The following ETV1 variants were observed in gnomAD, a reference collection of about 807,000 sequenced individuals.
The protein encoded by ETV1 is ETS translocation variant 1.
A neutral mutation model predicts 62.3 loss-of-function variants in ETV1; 27 were observed. That is an observed-to-expected ratio of 0.43 (90% CI 0.32 to 0.60). The LOEUF (loss-of-function observed/expected upper bound fraction) is 0.60. Ranked by LOEUF, ETV1 falls within the 20% of genes least tolerant of loss-of-function variation. The pLI is 0.06. For synonymous variants in ETV1, 222 were observed against 199.6 expected (o/e 1.11, Z -0.94); for missense variants, 605 against 605.8 (o/e 1.00, Z 0.01).
chr7:13,963,919 C>T (rs182476423), intron 6 of ETV1, among the ~76,000 whole-genome samples: 1 of 152,248 alleles, frequency 6.6e-6, no homozygotes, highest in African/African-American at 2.4e-5. Context: ...AGCCTTTAAT[C>T]TGCAATAAAA....
intron 6 of ETV1, among the ~76,000 whole-genome samples, chr7:13,939,801 A>G (rs1787267512): frequency 1.3e-5 from 2 of 152,202 alleles, no homozygotes; most frequent in African/African-American, 2.4e-5. Context: ...CTCATCTATA[A>G]AATAGAGATT....
chr7:13,989,857 G>T (rs1186886882), upstream of ETV1: 3 of 359,716 alleles, frequency 8.3e-6, no homozygotes, highest in Non-Finnish European at 1.5e-5. Context: ...TGCTCGGCCG[G>T]TAGGCGCTGG....
intron 4 of ETV1, among the ~76,000 whole-genome samples, 163 bp downstream of exon 4, chr7:13,987,923 C>T (rs1782694859): frequency 6.6e-6 from 1 of 152,144 alleles, no homozygotes; most frequent in Non-Finnish European, 1.5e-5. Flanking sequence ...GTCTCCCATG[C>T]AAACTGCCGC....
At chr7:13,984,884 A>G (rs1782386181) in intron 5 of ETV1, among the ~76,000 whole-genome samples, 2 of 151,294 alleles carry the variant, frequency 1.3e-5, no homozygotes, top group African/African-American at 2.4e-5. Flanking sequence ...AATTATTGCA[A>G]TCACTTATCT....
chr7:13,921,640 G>T (rs1784862717), intron 9 of ETV1, among the ~76,000 whole-genome samples: 1 of 152,094 alleles, frequency 6.6e-6, no homozygotes, highest in African/African-American at 2.4e-5. Flanking sequence ...TTTTAAACCT[G>T]GGAAGGATTA....
chr7:13,900,746 T>C lies in ETV1; in HGVS notation c.1204A>G (p.Met402Val), dbSNP rs1782325311. 6.2e-7 allele frequency: 1 copy of C among 1,604,520 alleles called. No homozygotes were observed. Among genetic ancestry groups the C allele is most frequent in the Non-Finnish European group, 8.5e-7 (1 of 1,173,950 alleles). ...CTGTATTAGCTGCTCACCTTTTGCA[T>C]AATTCCTTTCTCATAGTAATAGCGG... ...SLRYYYEKGIMQKVAGERYVY... is the reference protein window; with the variant it reads ...SLRYYYEKGIVQKVAGERYVY... Residue 402 changes from methionine (M) to valine (V), a missense_variant, in exon 13 of 14, where the codon ATG (methionine) becomes GTG (valine). Transcript: ENST00000430479.
chr7:13,933,903 C>T (rs367571946), intron 8 of ETV1, among the ~76,000 whole-genome samples: 10 of 152,308 alleles, frequency 6.6e-5, no homozygotes, highest in African/African-American at 2.4e-4. Flanking sequence ...CAAGTTAGGT[C>T]ACCTAAAACC....
chr7:13,943,220 G>A (rs534949793), intron 6 of ETV1, among the ~76,000 whole-genome samples: 9 of 152,294 alleles, frequency 5.9e-5, no homozygotes, highest in African/African-American at 1.7e-4. Context: ...AAACAAATCG[G>A]AACGACAACA....
At chr7:13,955,346 G>A (rs143709441) in intron 6 of ETV1, among the ~76,000 whole-genome samples, 36 of 152,232 alleles carry the variant, frequency 2.4e-4, no homozygotes, top group Non-Finnish European at 4.6e-4. Context: ...GGAGATGTAT[G>A]ACATACAAAA....
At chr7:13,926,764 T>C (rs1391594726) in intron 9 of ETV1, among the ~76,000 whole-genome samples, 1 of 152,196 alleles carries the variant, frequency 6.6e-6, no homozygotes, top group Non-Finnish European at 1.5e-5. Flanking sequence ...AGTATCATGA[T>C]ACAATCATGA....
At chr7:13,922,183 G>T (rs1275167989) in intron 9 of ETV1, among the ~76,000 whole-genome samples, 1 of 152,098 alleles carries the variant, frequency 6.6e-6, no homozygotes, top group Non-Finnish European at 1.5e-5. Context: ...TTTAGATATT[G>T]TGGTTTTTAT....
chr7:13,906,353 G>T, intron 12 of ETV1, 77 bp downstream of exon 12: 5 of 931,352 alleles, frequency 5.4e-6, no homozygotes, highest in Non-Finnish European at 7.6e-6. Flanking sequence ...ATACATTTTT[G>T]GTATATTAAT....
At position 13,961,511 on chromosome 7, in the gene ETV1, A is replaced by T. The variant is rs543901160; in HGVS notation, c.235+15916T>A. Among the ~76,000 whole-genome samples, 13 of 152,226 alleles carry T rather than the reference A, an allele frequency of 8.5e-5. No individual in the cohort carries two copies. In the East Asian group the frequency reaches 2.5e-3, roughly 29 times the overall value. On this transcript the variant is annotated intron_variant, in intron 6 of 13. Transcript: ENST00000430479. ...TTGATTATTGCTATTTAAGTAGTGA[A>T]ATTTTTTCTTCAGGCTGAGCGAACA... is the stretch of plus-strand genomic sequence containing the variant.
At chr7:13,918,648 C>T (rs12699565) in intron 9 of ETV1, among the ~76,000 whole-genome samples, 1 of 151,624 alleles carries the variant, frequency 6.6e-6, no homozygotes, top group Non-Finnish European at 1.5e-5. Context: ...ACCGCATATT[C>T]TCACTCATAG....
rs35735011 is a variant in ETV1 at position 13,919,565 on chromosome 7, TACACACACACACACAC to T, written c.803-8274_803-8259del. Among the ~76,000 whole-genome samples, 1,237 of 135,474 alleles carry T rather than the reference TACACACACACACACAC, an allele frequency of 9.1e-3. 30 individuals are homozygous for T. Among genetic ancestry groups the T allele is most frequent in the African/African-American group, 0.031 (1,169 of 37,374 alleles). 88.9% of individuals were successfully genotyped at this position (135,474 alleles called of 152,430 possible). Reference sequence around the variant, plus strand: ...GTTAGAAACAACTAAATAGAAACCATACACACACACACACACACACACACACACACACACACAAAAT... The same window carrying T: ...GTTAGAAACAACTAAATAGAAACCATACACACACACACACACACACAAAAT... On this transcript the variant is annotated intron_variant, in intron 9 of 13. Transcript: ENST00000430479.
chr7:13,988,903 A>G, intron 3 of ETV1, 105 bp downstream of exon 3: 2 of 1,524,702 alleles, frequency 1.3e-6, no homozygotes, highest in Non-Finnish European at 1.8e-6. Flanking sequence ...GCAGATAAGT[A>G]TCTGCAATCC....
At chr7:13,968,950 G>A (rs1466119552) in intron 6 of ETV1, among the ~76,000 whole-genome samples, 5 of 152,032 alleles carry the variant, frequency 3.3e-5, no homozygotes, top group East Asian at 1.9e-4. Flanking sequence ...ACTTTTCATT[G>A]GATTTTCATT....
chr7:13,946,036 C>A (rs916125087), intron 6 of ETV1, among the ~76,000 whole-genome samples: 2 of 152,190 alleles, frequency 1.3e-5, no homozygotes, highest in Non-Finnish European at 2.9e-5. Flanking sequence ...TTACAGGCAT[C>A]TGCGTTGTTT....
intron 12 of ETV1, among the ~76,000 whole-genome samples, chr7:13,903,748 G>A (rs1351474274): frequency 7.6e-6 from 1 of 130,848 alleles, no homozygotes; most frequent in Non-Finnish European, 1.6e-5. Context: ...GGGTGACAGA[G>A]TGAGATTCCA....
Sources: gnomAD v4.1 joint callset for allele counts (sites outside exome capture counted in the v4.1 genomes callset) on GRCh38, gnomAD v4.1.1 for gene constraint, MANE v1.5 for transcripts, NCBI Gene and HGNC (gene_info 2026-07-23, HGNC 2026-07-21) for gene names.